JARID2: variants seen among roughly 807,000 people sequenced by gnomAD.
JARID2 encodes the protein jumonji and AT-rich interaction domain containing 2.
In JARID2, 21 loss-of-function variants were observed where a neutral mutation model predicts 125.6. That is an observed-to-expected ratio of 0.17 (90% CI 0.12 to 0.24). JARID2 has a LOEUF of 0.24. Ranked by LOEUF, JARID2 falls within the 10% of genes least tolerant of loss-of-function variation. The pLI is 1.00. For synonymous variants in JARID2, 736 were observed against 661.6 expected (o/e 1.11, Z -1.73); for missense variants, 1,303 against 1,639.6 (o/e 0.79, Z 3.55).
At chr6:15,381,258 C>T (rs1323425606) in intron 2 of JARID2, among the ~76,000 whole-genome samples, 4 of 144,710 alleles carry the variant, frequency 2.8e-5, no homozygotes, top group East Asian at 2.0e-4. Flanking sequence ...AGGAGAATGG[C>T]GTGAACCTGG....
At position 15,496,691 on chromosome 6, in the gene JARID2, T is replaced by G. The variant is rs899441253; in HGVS notation, c.1466T>G (p.Val489Gly). The G allele has an allele frequency of 6.2e-7, 1 of 1,613,060 alleles. No homozygotes were observed. Among genetic ancestry groups the G allele is most frequent in the African/African-American group, 1.3e-5 (1 of 74,864 alleles). ...CTGAACGGACACGTGAAGAAGGAAG[T>G]GCCGGAGCGCAGTCTGGAGAGGAAT... ...GLLNGHVKKE[V>G]PERSLERNRP... The change falls in exon 7 of 18, where the codon GTG becomes GGG. Residue 489 changes from valine to glycine, a missense_variant. Around this residue, in one of 11 missense-constraint regions of JARID2, gnomAD observed 651 missense variants for 581.6 expected, o/e 1.12. Transcript: ENST00000341776.
At chr6:15,286,619 G>C (rs1336000317) in intron 1 of JARID2, among the ~76,000 whole-genome samples, 1 of 151,826 alleles carries the variant, frequency 6.6e-6, no homozygotes, top group East Asian at 2.0e-4. Context: ...CCAGCACTTT[G>C]GGAGGCCGAG....
intron 1 of JARID2, among the ~76,000 whole-genome samples, chr6:15,263,536 T>C (rs1166486689): frequency 6.6e-6 from 1 of 152,146 alleles, no homozygotes; most frequent in Non-Finnish European, 1.5e-5. Flanking sequence ...ACTAGATTTA[T>C]TTTCCCCAAG....
At chr6:15,451,944 ACGTAGGCCTATATCCTCCAGTCT>A (rs1197346291) in intron 3 of JARID2, 39 bp from the exon 4 acceptor site, 3 of 1,508,474 alleles carry the variant, frequency 2.0e-6, no homozygotes, top group Admixed American at 3.9e-5. Flanking sequence ...TTATTGCCGC[ACGTAGGCCTATATCCTCCAGTCT>A]CTGCTTAATT....
intron 1 of JARID2, among the ~76,000 whole-genome samples, chr6:15,358,169 C>T (rs1005494061): frequency 3.3e-5 from 5 of 152,136 alleles, no homozygotes; most frequent in Non-Finnish European, 7.3e-5. Flanking sequence ...GTTTGTCAAA[C>T]CCCAACTAGC....
intron 3 of JARID2, among the ~76,000 whole-genome samples, chr6:15,411,498 A>G (rs936394702): frequency 6.6e-6 from 1 of 152,196 alleles, no homozygotes; most frequent in Admixed American, 6.5e-5. Flanking sequence ...AGAAGATGTC[A>G]TAAGATTCGT....
intron 5 of JARID2, among the ~76,000 whole-genome samples, chr6:15,482,694 C>T (rs146124053): frequency 3.7e-4 from 56 of 152,116 alleles, no homozygotes; most frequent in African/African-American, 1.2e-3. Flanking sequence ...ACATGGGAAA[C>T]GGTCTTTGTA....
intron 3 of JARID2, among the ~76,000 whole-genome samples, chr6:15,413,953 A>G (rs1766015405): frequency 6.6e-6 from 1 of 152,230 alleles, no homozygotes; most frequent in Admixed American, 6.5e-5. Flanking sequence ...CTGCAGGGTC[A>G]TAATTTATGT....
chr6:15,498,169 CTCT>C (rs1236650666), intron 7 of JARID2, among the ~76,000 whole-genome samples: 16 of 152,204 alleles, frequency 1.1e-4, no homozygotes, highest in African/African-American at 3.6e-4. Context: ...TCAGCCTTGT[CTCT>C]TCTTCCTCTG....
chr6:15,496,758 A>G lies in JARID2; in HGVS notation c.1533A>G (p.Arg511=). The G allele has an allele frequency of 1.2e-6, 2 of 1,613,634 alleles. No homozygotes were observed. Among genetic ancestry groups the G allele is most frequent in the Non-Finnish European group, 8.5e-7 (1 of 1,179,942 alleles). The change falls in exon 7 of 18, where the codon AGA becomes AGG. Residue 511 remains arginine, a synonymous_variant. Coordinates refer to ENST00000341776, the MANE Select transcript of JARID2 (RefSeq NM_004973.4). ...RATAGKSTPG[R]QAHGKADSAS... ...CGGCCGGGAAGAGCACGCCAGGCAGACAAGCACATGGCAAGGCGGACAGCG... is the reference window on the plus strand; with the variant it reads ...CGGCCGGGAAGAGCACGCCAGGCAGGCAAGCACATGGCAAGGCGGACAGCG...
At chr6:15,481,690 TTGGG>T (rs1769624434) in intron 5 of JARID2, among the ~76,000 whole-genome samples, 1 of 152,208 alleles carries the variant, frequency 6.6e-6, no homozygotes, top group Non-Finnish European at 1.5e-5. Flanking sequence ...TGTTTGCCAT[TTGGG>T]TATATCGCTG....
At chr6:15,367,856 C>A (rs1452690278) in intron 1 of JARID2, among the ~76,000 whole-genome samples, 1 of 152,186 alleles carries the variant, frequency 6.6e-6, no homozygotes, top group Non-Finnish European at 1.5e-5. Context: ...CAAGTCTTTC[C>A]AGTCGACTCC....
chr6:15,514,779 G>A (rs1450314060), intron 16 of JARID2, among the ~76,000 whole-genome samples: 1 of 152,140 alleles, frequency 6.6e-6, no homozygotes, highest in African/African-American at 2.4e-5. Flanking sequence ...CCTCTTTAGA[G>A]GCCCTACCCC....
At chr6:15,414,310 T>G (rs1766033946) in intron 3 of JARID2, among the ~76,000 whole-genome samples, 1 of 152,216 alleles carries the variant, frequency 6.6e-6, no homozygotes, top group African/African-American at 2.4e-5. Context: ...ATTCTTCAGT[T>G]AAAACATCCA....
At chr6:15,283,625 A>C (rs1760871208) in intron 1 of JARID2, among the ~76,000 whole-genome samples, 1 of 151,584 alleles carries the variant, frequency 6.6e-6, no homozygotes, top group African/African-American at 2.4e-5. Context: ...TACAGGCGTG[A>C]GCCACCGTGC....
intron 1 of JARID2, among the ~76,000 whole-genome samples, chr6:15,289,812 C>T (rs1046436152): frequency 6.6e-6 from 1 of 152,136 alleles, no homozygotes; most frequent in African/African-American, 2.4e-5. Context: ...TGCCACTGCA[C>T]TCCAGCCTGG....
At chr6:15,474,430 C>T (rs1306291848) in intron 5 of JARID2, among the ~76,000 whole-genome samples, 2 of 149,446 alleles carry the variant, frequency 1.3e-5, no homozygotes, top group African/African-American at 4.9e-5. Context: ...TTGCCACCAT[C>T]GAACAGTCAT....
rs1031581396 is a variant in JARID2 at position 15,520,205 on chromosome 6, G to A, written c.3695G>A (p.Arg1232His). ...GCGACAGTGGACGTGCCCCCCTCCCGTCTGTCAGCCTCCAGTTCATCCAAA... is the reference window on the plus strand; with the variant it reads ...GCGACAGTGGACGTGCCCCCCTCCCATCTGTCAGCCTCCAGTTCATCCAAA... ...KRATVDVPPS[R>H]LSASSSSKSA... The change falls in exon 18 of 18, where the codon CGT becomes CAT. Residue 1232 changes from arginine to histidine, a missense_variant. Physicochemically the swap from Arg to His is conservative, Grantham distance 29. This residue lies in a region of JARID2 where 75 missense variants were observed against 66.0 expected (regional missense o/e 1.14). Coordinates refer to ENST00000341776, the MANE Select transcript of JARID2 (RefSeq NM_004973.4). 3.7e-6 allele frequency: 6 copies of A among 1,613,444 alleles called. No individual in the cohort carries two copies. Among genetic ancestry groups the A allele is most frequent in the South Asian group, 1.1e-5 (1 of 90,968 alleles).
chr6:15,345,395 G>C (rs1026987913), intron 1 of JARID2, among the ~76,000 whole-genome samples: 1 of 152,186 alleles, frequency 6.6e-6, no homozygotes, highest in Admixed American at 6.5e-5. Flanking sequence ...CTCAGCTAGA[G>C]AACCGTTGTT....
Sources: allele counts gnomAD v4.1 joint callset (sites outside exome capture counted in the v4.1 genomes callset), GRCh38; gene constraint gnomAD v4.1.1; regional missense constraint gnomAD v4.1.1; transcripts MANE v1.5; gene names NCBI Gene and HGNC (gene_info 2026-07-23, HGNC 2026-07-21).